The following BCHE variants were observed in gnomAD, a reference collection of about 807,000 sequenced individuals.
BCHE encodes the protein butyrylcholinesterase, also known as cholinesterase.
BCHE carries 48 observed loss-of-function variants against 51.3 expected under a neutral mutation model. That is an observed-to-expected ratio of 0.94 (90% CI 0.74 to 1.19). The LOEUF (loss-of-function observed/expected upper bound fraction) is 1.19. BCHE is among the 50% of genes most tolerant of loss of function. The pLI is 0.00. For missense variants in BCHE, 847 were observed against 708.2 expected, an observed-to-expected ratio of 1.20 and a Z score of -2.23; for synonymous variants, 251 against 238.0, an observed-to-expected ratio of 1.05 and a Z score of -0.50.
At position 165,830,670 on chromosome 3, in the gene BCHE, A is replaced by C; in HGVS notation, c.364T>G (p.Tyr122Asp). ...PNTDLSEDCL[Y>D]LNVWIPAPKP... ...GGTGCTGGAATCCATACATTTAGAT[A>C]TAAACAGTCTTCACTGAGGTCAGTG... is the stretch of plus-strand genomic sequence containing the variant. Residue 122 changes from tyrosine (Y) to aspartate (D), a missense_variant, in exon 2 of 4, where the codon TAT becomes GAT. Physicochemically the swap from Tyr to Asp is radical, Grantham distance 160. Coordinates refer to ENST00000264381, the MANE Select transcript of BCHE (RefSeq NM_000055.4). The C allele has an allele frequency of 6.2e-7, 1 of 1,614,064 alleles. No individual in the cohort carries two copies. The highest frequency in any genetic ancestry group is 1.1e-5 in the South Asian group (1 of 91,080).
At chr3:165,794,149 A>T (rs1446205045) in intron 2 of BCHE, among the ~76,000 whole-genome samples, 1 of 152,110 alleles carries the variant, frequency 6.6e-6, no homozygotes, top group African/African-American at 2.4e-5. Flanking sequence ...ATATCCACTG[A>T]ATTTTATTAC....
intron 2 of BCHE, among the ~76,000 whole-genome samples, chr3:165,819,410 A>G (rs1219590436): frequency 6.6e-6 from 1 of 151,950 alleles, no homozygotes; most frequent in Non-Finnish European, 1.5e-5. Flanking sequence ...GATTATTTCA[A>G]CATTTTTAGA....
In BCHE at chr3:165,813,371, T is replaced by G. The variant is rs1714182130; in HGVS notation, c.1517+16146A>C. 2.6e-5 allele frequency among the ~76,000 whole-genome samples: 4 copies of G among 151,752 alleles called. No individual in the cohort carries two copies. The South Asian group carries it at 8.3e-4, about 32-fold the overall frequency. ...TTATTAAATGAATAATATCTCGTTCTAAAATTACTAAATATTGCATTTTCA... is the reference window on the plus strand; with the variant it reads ...TTATTAAATGAATAATATCTCGTTCGAAAATTACTAAATATTGCATTTTCA... On this transcript the variant is annotated intron_variant, in intron 2 of 3. Transcript: ENST00000264381.
chr3:165,822,858 T>C (rs1333933431), intron 2 of BCHE, among the ~76,000 whole-genome samples: 1 of 152,152 alleles, frequency 6.6e-6, no homozygotes, highest in Non-Finnish European at 1.5e-5. Flanking sequence ...CAATTTTCTG[T>C]ACCACTGGGA....
At chr3:165,805,128 A>G (rs1354826879) in intron 2 of BCHE, among the ~76,000 whole-genome samples, 1 of 152,204 alleles carries the variant, frequency 6.6e-6, no homozygotes, top group African/African-American at 2.4e-5. Flanking sequence ...ATCTAGTAGA[A>G]TCTACTTTAA....
chr3:165,830,959 C>A lies in BCHE; in HGVS notation c.75G>T (p.Lys25Asn). 1 of 1,613,846 alleles carries A rather than the reference C, an allele frequency of 6.2e-7. No homozygotes were observed. The highest frequency in any genetic ancestry group is 8.5e-7 in the Non-Finnish European group (1 of 1,179,862). Residue 25 changes from lysine (K) to asparagine (N), a missense_variant, in exon 2 of 4, where the codon AAG (lysine) becomes AAT (asparagine). By Grantham distance (94) the Lys-to-Asn change is moderately conservative. Transcript: ENST00000264381. ...TTATGATGTCATCTTCAGTATGTGACTTCCCAATAAGCATGCAGAGCAAAA... is the reference window on the plus strand; with the variant it reads ...TTATGATGTCATCTTCAGTATGTGAATTCCCAATAAGCATGCAGAGCAAAA... Reference protein sequence around the residue: ...WFLLLCMLIGKSHTEDDIIIA... With the variant: ...WFLLLCMLIGNSHTEDDIIIA...
chr3:165,788,714 G>A (rs138840231), intron 2 of BCHE, among the ~76,000 whole-genome samples: 2 of 152,070 alleles, frequency 1.3e-5, no homozygotes, highest in Non-Finnish European at 2.9e-5. Context: ...GAATGGCAAC[G>A]TAAACAGAGC....
intron 1 of BCHE, among the ~76,000 whole-genome samples, chr3:165,835,717 T>C (rs964180160): frequency 4.6e-5 from 7 of 151,970 alleles, no homozygotes; most frequent in African/African-American, 1.7e-4. Context: ...TGTATACATA[T>C]AGAAGACACT....
chr3:165,808,129 G>T (rs530206503), intron 2 of BCHE, among the ~76,000 whole-genome samples: 1 of 152,084 alleles, frequency 6.6e-6, no homozygotes, highest in African/African-American at 2.4e-5. Flanking sequence ...GACTACAGGT[G>T]CCTGCCACCA....
intron 3 of BCHE, among the ~76,000 whole-genome samples, chr3:165,784,339 A>G (rs942378183): frequency 1.3e-5 from 2 of 151,998 alleles, no homozygotes; most frequent in Non-Finnish European, 2.9e-5. Flanking sequence ...TAACATTTTT[A>G]TTACTAGTGA....
intron 2 of BCHE, among the ~76,000 whole-genome samples, chr3:165,791,438 G>T (rs573674181): frequency 6.6e-6 from 1 of 152,294 alleles, no homozygotes; most frequent in South Asian, 2.1e-4. Flanking sequence ...AGTGTTGGTT[G>T]CTTGAACTAG....
chr3:165,804,130 C>T (rs1186501531), intron 2 of BCHE, among the ~76,000 whole-genome samples: 1 of 151,000 alleles, frequency 6.6e-6, no homozygotes, highest in Non-Finnish European at 1.5e-5. Flanking sequence ...AGGAGAGAGA[C>T]TACACACACA....
chr3:165,791,693 T>A (rs1263984560), intron 2 of BCHE, among the ~76,000 whole-genome samples: 2 of 152,084 alleles, frequency 1.3e-5, no homozygotes, highest in South Asian at 2.1e-4. Flanking sequence ...TGGCTCACGC[T>A]TGTAATCCCA....
intron 2 of BCHE, among the ~76,000 whole-genome samples, chr3:165,797,203 T>C (rs1713424335): frequency 2.4e-5 from 1 of 40,904 alleles, no homozygotes; most frequent in Admixed American, 3.1e-4. Context: ...TTCCCTCCCT[T>C]CCTTCCTTCC....
chr3:165,779,886 T>G lies in BCHE; in HGVS notation c.1684+6259A>C, dbSNP rs117089800. 5.0e-4 allele frequency among the ~76,000 whole-genome samples: 76 copies of G among 152,296 alleles called. 2 individuals are homozygous for G. In the East Asian group the frequency reaches 0.014, roughly 29 times the overall value. On this transcript the variant is annotated intron_variant, in intron 3 of 3. Coordinates refer to ENST00000264381, the MANE Select transcript of BCHE (RefSeq NM_000055.4). ...CTATTCCCATAAACTACTATTGACT[T>G]TCTTCACAGAATTAGAAAAATCTAC...
chr3:165,781,939 G>T (rs1033304136), intron 3 of BCHE, among the ~76,000 whole-genome samples: 9 of 152,156 alleles, frequency 5.9e-5, no homozygotes, highest in African/African-American at 2.2e-4. Flanking sequence ...GAATTTGTAT[G>T]ATACAATATG....
chr3:165,813,191 CTACT>C (rs1175238378), intron 2 of BCHE, among the ~76,000 whole-genome samples: 1 of 151,722 alleles, frequency 6.6e-6, no homozygotes, highest in Non-Finnish European at 1.5e-5. Flanking sequence ...TTAAATAAGA[CTACT>C]TACCAATAAA....
chr3:165,829,487 C>T, intron 2 of BCHE, 30 bp downstream of exon 2: 3 of 1,581,690 alleles, frequency 1.9e-6, no homozygotes, highest in Non-Finnish European at 2.6e-6. Context: ...CAAACCAAGC[C>T]AGAGAACAAT....
In BCHE at chr3:165,830,506, C is replaced by A. The variant is rs1461906301; in HGVS notation, c.528G>T (p.Val176=). 6.2e-7 allele frequency: 1 copy of A among 1,613,804 alleles called. No homozygotes were observed. Among genetic ancestry groups the A allele is most frequent in the East Asian group, 2.2e-5 (1 of 44,882 alleles). The change falls in exon 2 of 4, where the codon GTG becomes GTT. Residue 176 remains valine, a synonymous_variant. Transcript: ENST00000264381. ...RVIVVSMNYR[V]GALGFLALPG... ...GCAAAGCTAAGAATCCTAGGGCACC[C>A]ACCCTATAGTTCATTGACACTACAA...
Sources: allele counts gnomAD v4.1 joint callset (sites outside exome capture counted in the v4.1 genomes callset), GRCh38; gene constraint gnomAD v4.1.1; transcripts MANE v1.5; gene names NCBI Gene and HGNC (gene_info 2026-07-23, HGNC 2026-07-21).